The following TGFBR3 variants were observed in gnomAD, a reference collection of about 807,000 sequenced individuals.
TGFBR3 encodes transforming growth factor beta receptor type 3.
In TGFBR3, 46 loss-of-function variants were observed where a neutral mutation model predicts 87.9. The observed-to-expected ratio is 0.52, with a 90% CI of 0.41 to 0.67. TGFBR3 has a LOEUF of 0.67. Among genes scored for constraint, TGFBR3 ranks in the 30% least tolerant of loss-of-function variants. The probability of loss-of-function intolerance (pLI) is 0.00; values close to 1 mark genes in which losing one functional copy is unlikely to be tolerated. For synonymous variants in TGFBR3, 381 were observed against 391.6 expected, an observed-to-expected ratio of 0.97 and a Z score of 0.32; for missense variants, 866 against 1,041.9, an observed-to-expected ratio of 0.83 and a Z score of 2.32.
At chr1:91,746,469 C>T (rs1051620016) in intron 4 of TGFBR3, among the ~76,000 whole-genome samples, 2 of 152,104 alleles carry the variant, frequency 1.3e-5, no homozygotes, top group African/African-American at 4.8e-5. Context: ...AAGAGCTTAC[C>T]CCCAAATTCA....
At chr1:91,827,308 A>T (rs866761683) in intron 2 of TGFBR3, among the ~76,000 whole-genome samples, 8 of 152,190 alleles carry the variant, frequency 5.3e-5, no homozygotes, top group Admixed American at 1.3e-4. Context: ...TTCTATTCTC[A>T]GCATGTGTCA....
chr1:91,893,987 T>C (rs921227390), intron 2 of TGFBR3, among the ~76,000 whole-genome samples: 3 of 152,006 alleles, frequency 2.0e-5, no homozygotes, highest in African/African-American at 7.2e-5. Context: ...CCCAGCACTT[T>C]GGGAGGCCAA....
At chr1:91,854,015 TC>T (rs1166206252) in intron 2 of TGFBR3, among the ~76,000 whole-genome samples, 1 of 150,842 alleles carries the variant, frequency 6.6e-6, no homozygotes, top group Non-Finnish European at 1.5e-5. Context: ...TCCCACCCCC[TC>T]CCAGAAAAAA....
intron 4 of TGFBR3, among the ~76,000 whole-genome samples, chr1:91,755,856 C>T (rs932385415): frequency 6.6e-6 from 1 of 152,124 alleles, no homozygotes; most frequent in Non-Finnish European, 1.5e-5. Context: ...AGAAACAGAA[C>T]CCCTTTTGAT....
At chr1:91,771,213 A>G (rs542889095) in intron 3 of TGFBR3, among the ~76,000 whole-genome samples, 1 of 152,290 alleles carries the variant, frequency 6.6e-6, no homozygotes, top group African/African-American at 2.4e-5. Flanking sequence ...CGCATTTACT[A>G]TTCATTCCTC....
chr1:91,700,907 C>T (rs987614964), intron 14 of TGFBR3, among the ~76,000 whole-genome samples: 3 of 152,196 alleles, frequency 2.0e-5, no homozygotes, highest in African/African-American at 7.2e-5. Flanking sequence ...ATTTGATTCC[C>T]TGAACTAAGT....
chr1:91,751,261 A>T (rs1021237791), intron 4 of TGFBR3, among the ~76,000 whole-genome samples: 4 of 152,138 alleles, frequency 2.6e-5, no homozygotes, highest in Non-Finnish European at 2.9e-5. Flanking sequence ...AGAATACAGA[A>T]TTTTTTTTAA....
intron 1 of TGFBR3, among the ~76,000 whole-genome samples, chr1:91,904,081 G>A (rs757407633): frequency 2.6e-5 from 4 of 152,168 alleles, no homozygotes; most frequent in Non-Finnish European, 5.9e-5. Context: ...CTACTCGGGA[G>A]GCTGAGACAC....
intron 16 of TGFBR3, among the ~76,000 whole-genome samples, chr1:91,694,447 C>A (rs570864454): frequency 2.0e-5 from 3 of 152,200 alleles, no homozygotes; most frequent in African/African-American, 7.2e-5. Flanking sequence ...CTCCTTCTGG[C>A]GTAATCTAAA....
chr1:91,815,261 CA>C (rs1303290073), intron 2 of TGFBR3, among the ~76,000 whole-genome samples: 1 of 126,594 alleles, frequency 7.9e-6, no homozygotes, highest in Admixed American at 7.8e-5. Context: ...GGGATCGCAC[CA>C]CTGCACTCCA....
At chr1:91,852,679 GCCTC>G (rs1304418104) in intron 2 of TGFBR3, among the ~76,000 whole-genome samples, 1 of 152,124 alleles carries the variant, frequency 6.6e-6, no homozygotes, top group Non-Finnish European at 1.5e-5. Context: ...TGGTTCTCCT[GCCTC>G]AGCCTCTCGA....
Position 91,716,223 on chromosome 1 carries a change from T to C in TGFBR3, c.1866+13A>G, listed in dbSNP as rs1276475846. 1.2e-6 allele frequency: 2 copies of C among 1,614,042 alleles called. No homozygotes were observed. Among genetic ancestry groups the C allele is most frequent in the Non-Finnish European group, 1.7e-6 (2 of 1,179,976 alleles). On this transcript the variant is annotated intron_variant, in intron 12 of 16. Coordinates refer to ENST00000212355, the MANE Select transcript of TGFBR3 (RefSeq NM_003243.5). ...ACTAACCTAAAAGGTCAAGGCTAAC[T>C]TTCAGGTCTCACCTCAACATAAACG... is the stretch of plus-strand genomic sequence containing the variant.
chr1:91,859,189 C>G (rs1248770547), intron 2 of TGFBR3, among the ~76,000 whole-genome samples: 1 of 152,044 alleles, frequency 6.6e-6, no homozygotes, highest in Admixed American at 6.6e-5. Flanking sequence ...AAAGGAAGAT[C>G]TGAAGCAAAA....
rs910107463 is a variant in TGFBR3 at position 91,758,840 on chromosome 1, C to CA, written c.247-91_247-90insT. 2.7e-5 allele frequency: 40 copies of CA among 1,504,066 alleles called. No homozygotes were observed. The Admixed American group carries it at 6.7e-4, about 25-fold the overall frequency. The allele number at this position is 1,504,066 out of a possible 1,614,324, so 93.2% of individuals were successfully genotyped here. ...AGCCTCTGGAATACTTTTTTTGCAACTCACTATCAACAGAAACAAGCTATA... is the reference window on the plus strand; with the variant it reads ...AGCCTCTGGAATACTTTTTTTGCAACATCACTATCAACAGAAACAAGCTATA... On this transcript the variant is annotated intron_variant, in intron 3 of 16. Coordinates refer to ENST00000212355, the MANE Select transcript of TGFBR3 (RefSeq NM_003243.5).
At chr1:91,803,335 C>T (rs551689976) in intron 2 of TGFBR3, among the ~76,000 whole-genome samples, 1 of 152,326 alleles carries the variant, frequency 6.6e-6, no homozygotes, top group Admixed American at 6.5e-5. Flanking sequence ...CCGCTAGCAG[C>T]TGGCAGCTTC....
At chr1:91,825,294 T>C (rs1440027156) in intron 2 of TGFBR3, among the ~76,000 whole-genome samples, 1 of 152,196 alleles carries the variant, frequency 6.6e-6, no homozygotes, top group Admixed American at 6.5e-5. Context: ...AAACAAAATA[T>C]TACTTGGCCA....
chr1:91,787,637 G>A (rs1262910329), intron 3 of TGFBR3, among the ~76,000 whole-genome samples: 1 of 152,168 alleles, frequency 6.6e-6, no homozygotes, highest in African/African-American at 2.4e-5. Flanking sequence ...ACCTCAGGGA[G>A]AGGAGACAGA....
At chr1:91,894,488 C>T (rs973270330) in intron 2 of TGFBR3, among the ~76,000 whole-genome samples, 11 of 152,238 alleles carry the variant, frequency 7.2e-5, no homozygotes, top group African/African-American at 2.4e-4. Context: ...CACAGCTCCT[C>T]CTCAATCAGA....
intron 2 of TGFBR3, among the ~76,000 whole-genome samples, chr1:91,848,315 C>A (rs549664362): frequency 2.0e-5 from 3 of 152,300 alleles, no homozygotes; most frequent in South Asian, 2.1e-4. Context: ...TAAAAATCTA[C>A]AGTCTTTGAC....
Sources: allele counts gnomAD v4.1 joint callset (sites outside exome capture counted in the v4.1 genomes callset), GRCh38; gene constraint gnomAD v4.1.1; transcripts MANE v1.5; gene names NCBI Gene and HGNC (gene_info 2026-07-23, HGNC 2026-07-21).